The following PROS1 variants were observed in gnomAD, a reference collection of about 807,000 sequenced individuals.
The protein encoded by PROS1 is vitamin K-dependent protein S.
PROS1 carries 29 observed loss-of-function variants against 75.9 expected under a neutral mutation model. That is an observed-to-expected ratio of 0.38 (90% CI 0.28 to 0.52). PROS1 has a LOEUF of 0.52. Ranked by LOEUF, PROS1 falls within the 20% of genes least tolerant of loss-of-function variation. PROS1 has a pLI of 0.83. For missense variants in PROS1, 680 were observed against 810.3 expected, an observed-to-expected ratio of 0.84 and a Z score of 1.95; for synonymous variants, 245 against 280.6, an observed-to-expected ratio of 0.87 and a Z score of 1.27.
At chr3:93,967,217 T>A (rs1709805185) in intron 1 of PROS1, among the ~76,000 whole-genome samples, 1 of 152,134 alleles carries the variant, frequency 6.6e-6, no homozygotes, top group African/African-American at 2.4e-5. Flanking sequence ...GTTGAACATA[T>A]CACATAGTTC....
intron 11 of PROS1, 135 bp from the exon 12 acceptor site, chr3:93,885,031 G>A (rs1427620480): frequency 1.2e-6 from 1 of 832,980 alleles, no homozygotes; most frequent in Non-Finnish European, 1.9e-6. Context: ...TTTTATTTAA[G>A]TTTTTCTTTT....
chr3:93,890,031 A>G (rs1708408665), intron 10 of PROS1, among the ~76,000 whole-genome samples: 1 of 152,172 alleles, frequency 6.6e-6, no homozygotes, highest in African/African-American at 2.4e-5. Flanking sequence ...TTTTCCTAGC[A>G]AAGAATATTA....
chr3:93,886,030 GAACAT>G (rs1209811904), intron 11 of PROS1, among the ~76,000 whole-genome samples: 1 of 152,040 alleles, frequency 6.6e-6, no homozygotes, highest in Non-Finnish European at 1.5e-5. Flanking sequence ...TGTTAACACT[GAACAT>G]TACATTACTA....
chr3:93,898,313 A>T (rs1206881343), intron 8 of PROS1, 135 bp downstream of exon 8: 2 of 990,690 alleles, frequency 2.0e-6, no homozygotes, highest in African/African-American at 1.6e-5. Flanking sequence ...AATAATCATG[A>T]CTCATAACCT....
intron 1 of PROS1, among the ~76,000 whole-genome samples, chr3:93,948,760 C>G (rs577263987): frequency 7.5e-4 from 114 of 152,170 alleles, no homozygotes; most frequent in African/African-American, 2.7e-3. Context: ...TTGTTTTATG[C>G]GTGCCAGATC....
At chr3:93,917,944 G>C (rs1708884214) in intron 3 of PROS1, among the ~76,000 whole-genome samples, 1 of 152,082 alleles carries the variant, frequency 6.6e-6, no homozygotes, top group South Asian at 2.1e-4. Context: ...CAGTCCCATT[G>C]ACCACCCAAG....
In PROS1 at chr3:93,900,734, C is replaced by T. The variant is rs1362940801; in HGVS notation, c.727+70G>A. 22 of 1,597,026 alleles carry T rather than the reference C, an allele frequency of 1.4e-5. No individual in the cohort carries two copies. The Admixed American group carries it at 1.8e-4, about 13-fold the overall frequency. On this transcript the variant is annotated intron_variant, in intron 7 of 14. Coordinates refer to ENST00000394236, the MANE Select transcript of PROS1 (RefSeq NM_000313.4). ...CTGTTGATGTCAAACAAAGCCAATGCTTTTAAATATCAGTTCAGGGTTCAC... is the reference window on the plus strand; with the variant it reads ...CTGTTGATGTCAAACAAAGCCAATGTTTTTAAATATCAGTTCAGGGTTCAC...
At chr3:93,882,559 A>G (rs1708287120) in intron 12 of PROS1, among the ~76,000 whole-genome samples, 1 of 152,248 alleles carries the variant, frequency 6.6e-6, no homozygotes, top group South Asian at 2.1e-4. Flanking sequence ...GAAAGCCAGA[A>G]TGAGAACACT....
At chr3:93,901,143 T>C (rs2107162571) in intron 6 of PROS1, among the ~76,000 whole-genome samples, 1 of 152,340 alleles carries the variant, frequency 6.6e-6, no homozygotes, top group African/African-American at 2.4e-5. Context: ...GATTGATGTT[T>C]GCCATGTTCC....
intron 1 of PROS1, among the ~76,000 whole-genome samples, chr3:93,964,258 T>C (rs533257715): frequency 7.5e-4 from 114 of 152,290 alleles, no homozygotes; most frequent in African/African-American, 2.7e-3. Flanking sequence ...CCTGCGGGGT[T>C]GGGCAAAAAC....
At position 93,930,481 on chromosome 3, in the gene PROS1, C is replaced by T. The variant is rs749392953; in HGVS notation, c.77-3074G>A. Reference sequence around the variant, plus strand: ...ATTTTAAAAATCAAGGTTAAATGCACTTAGGAAATAAAGCTCCATATATAT... The same window carrying T: ...ATTTTAAAAATCAAGGTTAAATGCATTTAGGAAATAAAGCTCCATATATAT... On this transcript the variant is annotated intron_variant, in intron 1 of 14. Coordinates refer to ENST00000394236, the MANE Select transcript of PROS1 (RefSeq NM_000313.4). 8.5e-5 allele frequency among the ~76,000 whole-genome samples: 13 copies of T among 152,198 alleles called. No individual in the cohort carries two copies. In the Middle Eastern group the frequency reaches 0.01, roughly 119 times the overall value.
At chr3:93,933,068 T>C (rs780608072) in intron 1 of PROS1, among the ~76,000 whole-genome samples, 4 of 152,252 alleles carry the variant, frequency 2.6e-5, no homozygotes, top group Non-Finnish European at 5.9e-5. Flanking sequence ...ATCTCATAAA[T>C]GAAAAATTGC....
intron 6 of PROS1, among the ~76,000 whole-genome samples, chr3:93,905,365 T>G: frequency 6.6e-6 from 1 of 152,130 alleles, no homozygotes; most frequent in East Asian, 1.9e-4. Context: ...AACCAAACAC[T>G]TTGGGAGGCT....
chr3:93,956,860 G>A (rs1453855883), intron 1 of PROS1, among the ~76,000 whole-genome samples: 1 of 152,008 alleles, frequency 6.6e-6, no homozygotes. Flanking sequence ...AAGATGAGAG[G>A]AACAAGACAC....
chr3:93,965,417 T>C (rs1355503317), intron 1 of PROS1, among the ~76,000 whole-genome samples: 1 of 152,238 alleles, frequency 6.6e-6, no homozygotes, highest in Non-Finnish European at 1.5e-5. Flanking sequence ...TGTTCCTGCA[T>C]GGCTAAGTGC....
At chr3:93,959,097 T>G (rs1015245488) in intron 1 of PROS1, among the ~76,000 whole-genome samples, 2 of 152,136 alleles carry the variant, frequency 1.3e-5, no homozygotes, top group Non-Finnish European at 2.9e-5. Context: ...CTCAGCACTT[T>G]GGGAGGCTGA....
chr3:93,880,409 T>C (rs1652283474), intron 12 of PROS1, among the ~76,000 whole-genome samples: 1 of 151,946 alleles, frequency 6.6e-6, no homozygotes, highest in South Asian at 2.1e-4. Flanking sequence ...GGAGGCTTGA[T>C]TCAGGAGAAT....
At chr3:93,945,889 T>G (rs1179707523) in intron 1 of PROS1, among the ~76,000 whole-genome samples, 1 of 152,164 alleles carries the variant, frequency 6.6e-6, no homozygotes, top group Admixed American at 6.5e-5. Context: ...GCAGATGACA[T>G]GACTGTATAT....
In PROS1 at chr3:93,914,670, A is replaced by G. The variant is rs564220846; in HGVS notation, c.260-3965T>C. Among the ~76,000 whole-genome samples the G allele has an allele frequency of 5.9e-5, 9 of 151,994 alleles. No individual in the cohort carries two copies. The South Asian group carries it at 1.9e-3, about 32-fold the overall frequency. On this transcript the variant is annotated intron_variant, in intron 3 of 14. Transcript: ENST00000394236. ...AGCACCTGGCTCCTTTTATTTATTT[A>G]TTTATTTTAATTTCAACAGGTTTTG...
Sources: allele counts gnomAD v4.1 joint callset (sites outside exome capture counted in the v4.1 genomes callset), GRCh38; gene constraint gnomAD v4.1.1; transcripts MANE v1.5; gene names NCBI Gene and HGNC (gene_info 2026-07-23, HGNC 2026-07-21).